The following LRRC4C variants were observed in gnomAD, a reference collection of about 807,000 sequenced individuals.
LRRC4C encodes the protein leucine-rich repeat-containing protein 4C.
In LRRC4C, 5 loss-of-function variants were observed where a neutral mutation model predicts 33.6. The observed-to-expected ratio is 0.15, with a 90% CI of 0.08 to 0.31. LRRC4C has a LOEUF of 0.31. Ranked by LOEUF, LRRC4C falls within the 10% of genes least tolerant of loss-of-function variation. The pLI is 1.00. For missense variants in LRRC4C, 560 were observed against 796.7 expected (o/e 0.70, Z 3.58); for synonymous variants, 329 against 302.0 (o/e 1.09, Z -0.93).
At chr11:40,816,505 A>G (rs919173567) in intron 2 of LRRC4C, among the ~76,000 whole-genome samples, 3 of 152,178 alleles carry the variant, frequency 2.0e-5, no homozygotes, top group Non-Finnish European at 2.9e-5. Context: ...GTTGTGTGCA[A>G]AAAGCAAGAA....
intron 1 of LRRC4C, among the ~76,000 whole-genome samples, chr11:41,249,513 A>G (rs1259178945): frequency 6.6e-6 from 1 of 152,168 alleles, no homozygotes; most frequent in Non-Finnish European, 1.5e-5. Flanking sequence ...AGTGAAATAC[A>G]GAAAACTTAC....
At chr11:40,930,729 T>C (rs1957583468) in intron 2 of LRRC4C, among the ~76,000 whole-genome samples, 1 of 152,178 alleles carries the variant, frequency 6.6e-6, no homozygotes, top group Admixed American at 6.5e-5. Flanking sequence ...GCCCCTATGA[T>C]ACAGTGATCC....
chr11:40,308,704 T>C (rs1255893927), intron 4 of LRRC4C, among the ~76,000 whole-genome samples: 1 of 152,070 alleles, frequency 6.6e-6, no homozygotes, highest in Non-Finnish European at 1.5e-5. Flanking sequence ...GTGGCCAAAA[T>C]GAAGGAAGGT....
At chr11:41,017,549 G>C (rs972620898) in intron 1 of LRRC4C, among the ~76,000 whole-genome samples, 20 of 151,898 alleles carry the variant, frequency 1.3e-4, no homozygotes, top group Admixed American at 1.3e-3. Flanking sequence ...CAATTACCAG[G>C]CATTGATCTA....
chr11:40,874,568 T>G (rs1292804419), intron 2 of LRRC4C, among the ~76,000 whole-genome samples: 1 of 152,176 alleles, frequency 6.6e-6, no homozygotes, highest in Non-Finnish European at 1.5e-5. Context: ...TTTCCCTTTC[T>G]TCATCAGAAG....
intron 2 of LRRC4C, among the ~76,000 whole-genome samples, chr11:40,697,024 C>A (rs948291458): frequency 1.3e-5 from 2 of 151,902 alleles, no homozygotes; most frequent in Non-Finnish European, 2.9e-5. Context: ...TTGAAAGAAG[C>A]ACTAAGTATG....
intron 2 of LRRC4C, among the ~76,000 whole-genome samples, chr11:40,872,052 A>AT (rs1954677107): frequency 6.6e-6 from 1 of 152,136 alleles, no homozygotes; most frequent in Non-Finnish European, 1.5e-5. Flanking sequence ...CATGGGTGAG[A>AT]TAAGAGCCAC....
chr11:41,195,415 A>T (rs977188061), intron 1 of LRRC4C, among the ~76,000 whole-genome samples: 3 of 152,110 alleles, frequency 2.0e-5, no homozygotes, highest in Admixed American at 1.3e-4. Flanking sequence ...CAGTGCACAA[A>T]ATGTCAATTC....
chr11:40,927,408 T>C (rs1957448479), intron 2 of LRRC4C, among the ~76,000 whole-genome samples: 1 of 151,754 alleles, frequency 6.6e-6, no homozygotes, highest in Admixed American at 6.6e-5. Flanking sequence ...AAAAAAAGAA[T>C]ATTATCAAAC....
intron 1 of LRRC4C, among the ~76,000 whole-genome samples, chr11:41,227,692 C>A (rs929081914): frequency 3.3e-5 from 5 of 151,962 alleles, no homozygotes; most frequent in Non-Finnish European, 5.9e-5. Flanking sequence ...GAACTTTTTT[C>A]TTTCCAGATT....
chr11:40,382,204 G>C (rs1460146246), intron 3 of LRRC4C, among the ~76,000 whole-genome samples: 1 of 142,114 alleles, frequency 7.0e-6, no homozygotes, highest in South Asian at 2.2e-4. Flanking sequence ...GGTTGGTCTC[G>C]ATCTCCTGAT....
intron 3 of LRRC4C, among the ~76,000 whole-genome samples, chr11:40,389,689 C>T (rs1346215678): frequency 6.6e-6 from 1 of 152,014 alleles, no homozygotes; most frequent in African/African-American, 2.4e-5. Context: ...ATATTGACTT[C>T]CAAGGACTAC....
At chr11:40,822,336 T>C (rs796560794) in intron 2 of LRRC4C, among the ~76,000 whole-genome samples, 6 of 151,122 alleles carry the variant, frequency 4.0e-5, no homozygotes, top group African/African-American at 1.2e-4. Flanking sequence ...AATTTGATTC[T>C]AGGTTTTTTT....
chr11:40,637,327 AT>A (rs1941815953), intron 3 of LRRC4C, among the ~76,000 whole-genome samples: 1 of 152,218 alleles, frequency 6.6e-6, no homozygotes, highest in Non-Finnish European at 1.5e-5. Flanking sequence ...CAATCTCTAA[AT>A]TTCAGTCTGG....
chr11:40,622,401 C>A (rs758945513), intron 3 of LRRC4C, among the ~76,000 whole-genome samples: 26 of 151,728 alleles, frequency 1.7e-4, no homozygotes, highest in Non-Finnish European at 2.7e-4. Context: ...GACATAAAAC[C>A]AGTTCCCATG....
chr11:40,353,878 A>T (rs1311726448), intron 3 of LRRC4C, among the ~76,000 whole-genome samples: 1 of 152,126 alleles, frequency 6.6e-6, no homozygotes, highest in African/African-American at 2.4e-5. Flanking sequence ...CAGTGAGGTC[A>T]TGTTTTCCTG....
intron 1 of LRRC4C, among the ~76,000 whole-genome samples, chr11:41,125,971 AG>A (rs759083268): frequency 2.6e-5 from 4 of 152,182 alleles, no homozygotes; most frequent in Non-Finnish European, 5.9e-5. Context: ...CAGGTATAAA[AG>A]CAAAGAGAAG....
At chr11:40,633,401 T>C (rs1963683515) in intron 3 of LRRC4C, among the ~76,000 whole-genome samples, 1 of 74,108 alleles carries the variant, frequency 1.3e-5, no homozygotes, top group African/African-American at 4.3e-5. Flanking sequence ...CTTTCTTTTT[T>C]TTTTTTTGAC....
intron 2 of LRRC4C, among the ~76,000 whole-genome samples, chr11:40,745,755 G>T (rs1948386511): frequency 6.6e-6 from 1 of 151,932 alleles, no homozygotes; most frequent in Non-Finnish European, 1.5e-5. Flanking sequence ...AATTATATGT[G>T]GTTCTCATTG....
Sources: allele counts gnomAD v4.1 joint callset (sites outside exome capture counted in the v4.1 genomes callset), GRCh38; gene constraint gnomAD v4.1.1; transcripts MANE v1.5; gene names NCBI Gene and HGNC (gene_info 2026-07-23, HGNC 2026-07-21).